Variants in GFY observed in about 807,000 individuals in gnomAD.
GFY encodes the protein Golgi-associated olfactory signaling regulator.
A neutral mutation model predicts 29.1 loss-of-function variants in GFY; 28 were observed. That is an observed-to-expected ratio of 0.96 (90% CI 0.71 to 1.32). The LOEUF is 1.32. GFY is among the 40% of genes most tolerant of loss of function. The probability of loss-of-function intolerance (pLI) is 0.00; values close to 1 mark genes in which losing one functional copy is unlikely to be tolerated. For missense variants in GFY, 656 were observed against 661.9 expected, an observed-to-expected ratio of 0.99 and a Z score of 0.10; for synonymous variants, 277 against 274.5, an observed-to-expected ratio of 1.01 and a Z score of -0.09.
At position 49,427,560 on chromosome 19, in the gene GFY, G is replaced by A. The variant is rs114696335; in HGVS notation, c.1130G>A (p.Ser377Asn). The A allele has an allele frequency of 6.7e-4, 999 of 1,501,590 alleles. 2 individuals are homozygous for A. In the African/African-American group the frequency reaches 1.0e-2, roughly 15 times the overall value. The allele number at this position is 1,501,590 out of a possible 1,614,324, so 93.0% of individuals were successfully genotyped here. ...ACTCTGCGGGCACCCCAGAGGCACA[G>A]CCGAGGTGAGGGAGTCAACACCATC... is the stretch of plus-strand genomic sequence containing the variant. The part of the protein sequence containing the change: ...PATLRAPQRH[S>N]RGEGVNTIIV... Residue 377 changes from serine (S) to asparagine (N), a missense_variant, in exon 2 of 4, where the codon AGC becomes AAC. Ser to Asn is a conservative substitution (Grantham distance 46). Transcript: ENST00000610896.
rs1018609816 is a variant in GFY at position 49,426,597 on chromosome 19, G to A, written c.167G>A (p.Arg56His). Residue 56 changes from arginine to histidine, a missense_variant, in exon 2 of 4, where the codon CGC becomes CAC. By Grantham distance (29) the Arg-to-His change is conservative. Transcript: ENST00000610896. ...KGASENSKRD[R>H]LNPEFPGTPY... ...GCTTCTGAAAATTCCAAACGAGATC[G>A]CCTTAACCCAGAATTTCCTGGGACT... is the stretch of plus-strand genomic sequence containing the variant. 1.3e-6 allele frequency: 2 copies of A among 1,535,494 alleles called. No homozygotes were observed. Among genetic ancestry groups the A allele is most frequent in the Admixed American group, 2.0e-5 (1 of 50,930 alleles).
At chr19:49,426,294 G>T in intron 1 of GFY, 116 bp from the exon 2 acceptor site, 1 of 1,422,686 alleles carries the variant, frequency 7.0e-7, no homozygotes, top group Non-Finnish European at 9.2e-7. Context: ...CTGGCGCCAA[G>T]CTGGGCCCCG....
chr19:49,427,080 A>C lies in GFY; in HGVS notation c.650A>C (p.His217Pro). ...KTPDPKSPEK[H>P]DLNSTETPNS... ...CCTGACCCCAAATCCCCAGAAAAGC[A>C]TGACCTCAACTCCACTGAGACCCCA... The change falls in exon 2 of 4, where the codon CAT becomes CCT. Residue 217 changes from histidine (H) to proline (P), a missense_variant. His to Pro is a moderately conservative substitution (Grantham distance 77, BLOSUM62 -2). Transcript: ENST00000610896. 6.5e-7 allele frequency: 1 copy of C among 1,535,202 alleles called. No individual in the cohort carries two copies.
Position 49,427,043 on chromosome 19 carries a change from C to G in GFY, c.613C>G (p.Pro205Ala), listed in dbSNP as rs1435428210. The change falls in exon 2 of 4, where the codon CCT (proline) becomes GCT (alanine). Residue 205 changes from proline to alanine, a missense_variant. By Grantham distance (27) the Pro-to-Ala change is conservative. Coordinates refer to ENST00000610896, the MANE Select transcript of GFY (RefSeq NM_001195256.2). ...AELPETSNTN[P>A]TKTPDPKSPE... ...ACTCCCCGAGACCTCAAACACTAAC[C>G]CTACCAAGACCCCTGACCCCAAATC... 1 of 1,535,560 alleles carries G rather than the reference C, an allele frequency of 6.5e-7. No individual in the cohort carries two copies. The highest frequency in any genetic ancestry group is 8.7e-7 in the Non-Finnish European group (1 of 1,146,778).
chr19:49,426,509 C>T lies in GFY; in HGVS notation c.79C>T (p.Leu27=), dbSNP rs138633203. Residue 27 remains leucine, a synonymous_variant, in exon 2 of 4, where the codon CTG becomes TTG. Transcript: ENST00000610896. The part of the protein sequence containing the change: ...LRSKAAPSAP[L]PLGCGFPDMA... Reference sequence around the variant, plus strand: ...GTCCAAGGCCGCTCCCTCAGCCCCTCTGCCTTTGGGCTGTGGCTTTCCGGA... The same window carrying T: ...GTCCAAGGCCGCTCCCTCAGCCCCTTTGCCTTTGGGCTGTGGCTTTCCGGA... The T allele has an allele frequency of 1.1e-3, 1,750 of 1,536,220 alleles. 21 individuals are homozygous for T. The African/African-American group carries it at 0.021, about 18-fold the overall frequency.
chr19:49,428,579 G>C (rs2078943970), intron 3 of GFY, 40 bp from the exon 4 acceptor site: 1 of 1,365,930 alleles, frequency 7.3e-7, no homozygotes, highest in East Asian at 2.8e-5. Flanking sequence ...GGGGCCTGGA[G>C]GGTCAGCCCA....
chr19:49,427,217 A>G lies in GFY; in HGVS notation c.787A>G (p.Thr263Ala), dbSNP rs1278075474. 1.3e-6 allele frequency: 2 copies of G among 1,535,926 alleles called. No homozygotes were observed. Among genetic ancestry groups the G allele is most frequent in the East Asian group, 4.9e-5 (2 of 40,912 alleles). Residue 263 changes from threonine (T) to alanine (A), a missense_variant, in exon 2 of 4, where the codon ACA becomes GCA. Transcript: ENST00000610896. ...PTEISQTEFP[T>A]TYYQNATDVP... Reference sequence around the variant, plus strand: ...CGAAATTTCCCAAACAGAATTCCCCACAACCTACTACCAAAATGCAACAGA... The same window carrying G: ...CGAAATTTCCCAAACAGAATTCCCCGCAACCTACTACCAAAATGCAACAGA...
chr19:49,428,813 G>C lies in GFY; in HGVS notation c.1552G>C (p.Val518Leu). Residue 518 changes from valine (V) to leucine (L), a missense_variant, in exon 4 of 4, where the codon GTG becomes CTG. Val to Leu is a conservative substitution (Grantham distance 32). Transcript: ENST00000610896. Reference sequence around the variant, plus strand: ...CCCCGCCACGCTCCCCAACAACTTCGTGTGAGCCCCACCGAGTTCTGCCGG... The same window carrying C: ...CCCCGCCACGCTCCCCAACAACTTCCTGTGAGCCCCACCGAGTTCTGCCGG... ...LSPATLPNNFV is the reference protein window; with the variant it reads ...LSPATLPNNFL 2.1e-6 allele frequency: 3 copies of C among 1,439,920 alleles called. No individual in the cohort carries two copies. Among genetic ancestry groups the C allele is most frequent in the Non-Finnish European group, 2.7e-6 (3 of 1,097,980 alleles). 89.2% of individuals were successfully genotyped at this position (1,439,920 alleles called of 1,614,324 possible). A position where few individuals can be genotyped will look rare whatever the true frequency, so the allele number is the denominator to read the frequency against.
Position 49,427,379 on chromosome 19 carries a change from G to C in GFY, c.949G>C (p.Asp317His). 6.5e-7 allele frequency: 1 copy of C among 1,536,046 alleles called. No homozygotes were observed. The highest frequency in any genetic ancestry group is 8.7e-7 in the Non-Finnish European group (1 of 1,146,844). The change falls in exon 2 of 4, where the codon GAC becomes CAC. Residue 317 changes from aspartate (D) to histidine (H), a missense_variant. Transcript: ENST00000610896. ...AGGAACACCTGCAGCCATCCAGCCC[G>C]ACTCCCCAAAATTGCCCACTTCAGA... ...KPGTPAAIQP[D>H]SPKLPTSDSP...
upstream of GFY, among the ~76,000 whole-genome samples, chr19:49,424,857 A>C (rs1180191377): frequency 6.6e-5 from 10 of 152,026 alleles, no homozygotes; most frequent in Non-Finnish European, 1.5e-5. Context: ...AAATTTAAAA[A>C]GAGGGGCCTT....
rs2078945583 is a variant in GFY at position 49,428,846 on chromosome 19, C to T, written c.*28C>T. The T allele has an allele frequency of 7.1e-7, 1 of 1,399,654 alleles. No homozygotes were observed. Among genetic ancestry groups the T allele is most frequent in the Non-Finnish European group, 9.4e-7 (1 of 1,068,674 alleles). The allele number at this position is 1,399,654 out of a possible 1,614,324, so 86.7% of individuals were successfully genotyped here. On this transcript the variant is annotated 3_prime_UTR_variant, in exon 4 of 4. Coordinates refer to ENST00000610896, the MANE Select transcript of GFY (RefSeq NM_001195256.2). ...CCCACCGAGTTCTGCCGGACCTGCA[C>T]ATCCCCACAGTGAAGGAAAACCCTG...
chr19:49,425,675 C>T (rs1402362752), intron 1 of GFY, among the ~76,000 whole-genome samples, 186 bp downstream of exon 1: 2 of 152,200 alleles, frequency 1.3e-5, no homozygotes, highest in Non-Finnish European at 2.9e-5. Context: ...GTCCCTACCC[C>T]TCTACTCTGC....
At position 49,426,961 on chromosome 19, in the gene GFY, AC is replaced by A; in HGVS notation, c.535del (p.Gln179LysfsTer69). 1 of 1,535,298 alleles carries A rather than the reference AC, an allele frequency of 6.5e-7. No individual in the cohort carries two copies. The highest frequency in any genetic ancestry group is 1.2e-5 in the South Asian group (1 of 84,004). The stretch of plus-strand genomic sequence containing the variant: ...CAAACACTGACCTTATGCAAACTAC[AC>A]CCCAAGAATCCCCAGAGATTCTGCA... ...TPNTDLMQTT[P>X]QESPEILQLN... On this transcript the variant is annotated frameshift_variant, in exon 2 of 4. Coordinates refer to ENST00000610896, the MANE Select transcript of GFY (RefSeq NM_001195256.2). LOFTEE classifies it high-confidence loss of function.
In GFY at chr19:49,427,433, C is replaced by T; in HGVS notation, c.1003C>T (p.Pro335Ser). Residue 335 changes from proline (P) to serine (S), a missense_variant, in exon 2 of 4, where the codon CCC (proline) becomes TCC (serine). Physicochemically the swap from Pro to Ser is moderately conservative, Grantham distance 74. Coordinates refer to ENST00000610896, the MANE Select transcript of GFY (RefSeq NM_001195256.2). Reference sequence around the variant, plus strand: ...TCCAGGAATGGTTGAGCTGAAGGCCCCCCAGAACTCTGGCCCTAAGGAGTC... The same window carrying T: ...TCCAGGAATGGTTGAGCTGAAGGCCTCCCAGAACTCTGGCCCTAAGGAGTC... ...DSPGMVELKA[P>S]QNSGPKESNV... 2.0e-6 allele frequency: 3 copies of T among 1,535,678 alleles called. No individual in the cohort carries two copies. The highest frequency in any genetic ancestry group is 2.6e-6 in the Non-Finnish European group (3 of 1,146,612).
chr19:49,428,401 C>A (rs574476768), intron 3 of GFY, among the ~76,000 whole-genome samples: 1 of 152,316 alleles, frequency 6.6e-6, no homozygotes, highest in Non-Finnish European at 1.5e-5. Context: ...TACTTCCCGC[C>A]CTCCACTGCA....
At position 49,428,756 on chromosome 19, in the gene GFY, G is replaced by A. The variant is rs2078945071; in HGVS notation, c.1495G>A (p.Gly499Arg). ...ACCAAAGCTGCCCCCGCCGCCCCGC[G>A]GGGGTCGCCCGCAGCGTCTGGAGGC... ...LPPKLPPPPR[G>R]GRPQRLEALS... The change falls in exon 4 of 4, where the codon GGG becomes AGG. Residue 499 changes from glycine to arginine, a missense_variant. Physicochemically the swap from Gly to Arg is moderately radical, Grantham distance 125 (BLOSUM62 -2). Coordinates refer to ENST00000610896, the MANE Select transcript of GFY (RefSeq NM_001195256.2). 1 of 1,514,064 alleles carries A rather than the reference G, an allele frequency of 6.6e-7. No individual in the cohort carries two copies. Among genetic ancestry groups the A allele is most frequent in the African/African-American group, 1.4e-5 (1 of 71,822 alleles). The allele number at this position is 1,514,064 out of a possible 1,614,324, so 93.8% of individuals were successfully genotyped here.
At chr19:49,428,522 C>G in intron 3 of GFY, 97 bp from the exon 4 acceptor site, 1 of 929,736 alleles carries the variant, frequency 1.1e-6, no homozygotes, top group Non-Finnish European at 1.5e-6. Context: ...TCTCCGGCCT[C>G]CTGATCGGTC....
intron 3 of GFY, among the ~76,000 whole-genome samples, 185 bp from the exon 4 acceptor site, chr19:49,428,434 C>G (rs2078943293): frequency 6.6e-6 from 1 of 152,056 alleles, no homozygotes; most frequent in Non-Finnish European, 1.5e-5. Context: ...GCTGATCGGA[C>G]GCCACGCCTC....
At chr19:49,426,342 C>A in intron 1 of GFY, 68 bp from the exon 2 acceptor site, 1 of 1,444,396 alleles carries the variant, frequency 6.9e-7, no homozygotes, top group Non-Finnish European at 9.0e-7. Context: ...TGGGCGTGGC[C>A]TCCGGGAGTG....
Sources: gnomAD v4.1 joint callset for allele counts (sites outside exome capture counted in the v4.1 genomes callset) on GRCh38, gnomAD v4.1.1 for gene constraint, MANE v1.5 for transcripts, NCBI Gene and HGNC (gene_info 2026-07-23, HGNC 2026-07-21) for gene names.